The following PCDHA3 variants were observed in gnomAD, a reference collection of about 807,000 sequenced individuals.
The protein encoded by PCDHA3 is protocadherin alpha-3.
PCDHA3 carries 41 observed loss-of-function variants against 62.2 expected under a neutral mutation model. The ratio of observed to expected loss-of-function variants is 0.66; its 90% CI spans 0.51 to 0.86. The LOEUF is 0.86. Ranked by LOEUF, PCDHA3 falls within the 40% of genes least tolerant of loss-of-function variation. The pLI is 0.00. For missense variants in PCDHA3, 1,304 were observed against 1,241.2 expected, an observed-to-expected ratio of 1.05 and a Z score of -0.76; for synonymous variants, 640 against 555.4, an observed-to-expected ratio of 1.15 and a Z score of -2.14.
At chr5:140,954,526 G>A (rs2095049912) in intron 1 of PCDHA3, among the ~76,000 whole-genome samples, 1 of 152,184 alleles carries the variant, frequency 6.6e-6, no homozygotes, top group Admixed American at 6.5e-5. Flanking sequence ...GATCAGTGAT[G>A]TTGAGGTTTT....
Position 140,967,580 on chromosome 5 carries a change from C to T in PCDHA3, c.2395-11369C>T, listed in dbSNP as rs201304400. 42 of 1,614,122 alleles carry T rather than the reference C, an allele frequency of 2.6e-5. No homozygotes were observed. The East Asian group carries it at 4.7e-4, about 18-fold the overall frequency. ...CGTCCAGCTACGGGAGGACTCACCC[C>T]CAGGCACATTGGTGGTGAAGCTGAA... On this transcript the variant is annotated intron_variant, in intron 1 of 3. Transcript: ENST00000522353.
chr5:140,854,238 G>A (rs2043048996), intron 1 of PCDHA3: 1 of 636,222 alleles, frequency 1.6e-6, no homozygotes, highest in Non-Finnish European at 2.0e-6. Flanking sequence ...GGATATTTAT[G>A]TTATCACTTG....
At chr5:140,931,405 G>A (rs1395168165) in intron 1 of PCDHA3, among the ~76,000 whole-genome samples, 1 of 151,984 alleles carries the variant, frequency 6.6e-6, no homozygotes, top group South Asian at 2.1e-4. Flanking sequence ...CGATAGGAAG[G>A]CTGATGAATC....
chr5:140,883,533 A>T, intron 1 of PCDHA3: 2 of 1,614,190 alleles, frequency 1.2e-6, no homozygotes, highest in South Asian at 2.2e-5. Flanking sequence ...TCAGCCTATG[A>T]ACTGGTGGTG....
rs142842369 is a variant in PCDHA3, at chr5:140,884,425, T to G, written c.2394+80834T>G. ...TGGTGCTCACGTTGCTGCTGTATAC[T>G]GCGCTGCGGTGCTCGGCACCGCCCA... On this transcript the variant is annotated intron_variant, in intron 1 of 3. Coordinates refer to ENST00000522353, the MANE Select transcript of PCDHA3 (RefSeq NM_018906.3). 1.3e-3 allele frequency: 2,026 copies of G among 1,613,950 alleles called. 4 individuals carry two copies. Among genetic ancestry groups the G allele is most frequent in the Admixed American group, 3.6e-3 (219 of 60,032 alleles).
rs370847724 is a variant in PCDHA3 at position 140,807,494 on chromosome 5, A to G, written c.2394+3903A>G. On this transcript the variant is annotated intron_variant, in intron 1 of 3. Transcript: ENST00000522353. ...GCTGTGCCGGCGGAGCGCGGAGTGC[A>G]GCATCCACCTGGAGGTGATCGTAGA... 139 of 1,613,554 alleles carry G rather than the reference A, an allele frequency of 8.6e-5. No individual in the cohort carries two copies. The highest frequency in any genetic ancestry group is 1.1e-4 in the Non-Finnish European group (134 of 1,179,906).
rs1404110882 is a variant in PCDHA3 at position 140,968,973 on chromosome 5, C to A, written c.2395-9976C>A. On this transcript the variant is annotated intron_variant, in intron 1 of 3. Transcript: ENST00000522353. ...ATCATCAAGTGCTACCGCTACACTG[C>A]GTATGGCACTGCATGCTGTGGAGGC... is the stretch of plus-strand genomic sequence containing the variant. The A allele has an allele frequency of 6.2e-7, 1 of 1,614,194 alleles. No homozygotes were observed. The highest frequency in any genetic ancestry group is 1.3e-5 in the African/African-American group (1 of 75,044).
Position 140,864,265 on chromosome 5 carries a change from TC to T in PCDHA3, c.2394+60676del, listed in dbSNP as rs534238956. On this transcript the variant is annotated intron_variant, in intron 1 of 3. Coordinates refer to ENST00000522353, the MANE Select transcript of PCDHA3 (RefSeq NM_018906.3). ...ATTCATTTTCTTATTCTGATTTGTG[TC>T]CTCCATTCCTTATTGTTTTTATGTA... 9 of 152,340 alleles carry T rather than the reference TC, an allele frequency of 5.9e-5. No individual in the cohort carries two copies. In the East Asian group the frequency reaches 1.3e-3, roughly 23 times the overall value. The allele number at this position is 152,340 out of a possible 1,614,324, so 9.4% of individuals were successfully genotyped here.
At chr5:140,821,339 G>T (rs1554128068) in intron 1 of PCDHA3, among the ~76,000 whole-genome samples, 1 of 152,082 alleles carries the variant, frequency 6.6e-6, no homozygotes, top group African/African-American at 2.4e-5. Flanking sequence ...AAGGATTGGG[G>T]TTTCATGACT....
At chr5:140,827,522 A>G (rs1769311626) in intron 1 of PCDHA3, among the ~76,000 whole-genome samples, 2 of 151,350 alleles carry the variant, frequency 1.3e-5, no homozygotes. Flanking sequence ...TAAAAATTCA[A>G]CCAAAATTTG....
chr5:140,943,679 A>C (rs973228943), intron 1 of PCDHA3, among the ~76,000 whole-genome samples: 3 of 152,248 alleles, frequency 2.0e-5, no homozygotes, highest in African/African-American at 7.2e-5. Context: ...TGTGAAAAAA[A>C]GGGATAAGGT....
At position 140,801,491 on chromosome 5, in the gene PCDHA3, G is replaced by A. The variant is rs138150756; in HGVS notation, c.294G>A (p.Arg98=). ...SRIDREELCG[R]SAECSIHLEV... Reference sequence around the variant, plus strand: ...TAGACCGCGAGGAACTGTGCGGGCGGAGCGCGGAGTGCAGCATCCACCTGG... The same window carrying A: ...TAGACCGCGAGGAACTGTGCGGGCGAAGCGCGGAGTGCAGCATCCACCTGG... Residue 98 remains arginine (R), a synonymous_variant, in exon 1 of 4, where the codon CGG becomes CGA. Transcript: ENST00000522353. 1,845 of 1,614,176 alleles carry A rather than the reference G, an allele frequency of 1.1e-3. 3 individuals are homozygous for A. The highest frequency in any genetic ancestry group is 1.4e-3 in the Non-Finnish European group (1,704 of 1,180,058).
At position 140,856,409 on chromosome 5, in the gene PCDHA3, G is replaced by A; in HGVS notation, c.2394+52818G>A. 1.3e-6 allele frequency: 2 copies of A among 1,598,530 alleles called. 1 individual carries two copies. Among genetic ancestry groups the A allele is most frequent in the Non-Finnish European group, 1.7e-6 (2 of 1,167,974 alleles). On this transcript the variant is annotated intron_variant, in intron 1 of 3. Coordinates refer to ENST00000522353, the MANE Select transcript of PCDHA3 (RefSeq NM_018906.3). ...GCTGCAGGTTTTCCATGTGGACGTG[G>A]AAGTGAAGGACATTAACGACAACCC...
At chr5:140,862,964 G>T (rs782069131) in intron 1 of PCDHA3, 2 of 544,720 alleles carry the variant, frequency 3.7e-6, no homozygotes, top group South Asian at 2.8e-5. Context: ...TTCAGTGGAT[G>T]CAGGCCACTT....
rs2150466596 is a variant in PCDHA3 at position 140,850,091 on chromosome 5, G to A, written c.2394+46500G>A. 5 of 1,596,604 alleles carry A rather than the reference G, an allele frequency of 3.1e-6. No individual in the cohort carries two copies. In the African/African-American group the frequency reaches 5.4e-5, roughly 17 times the overall value. On this transcript the variant is annotated intron_variant, in intron 1 of 3. Coordinates refer to ENST00000522353, the MANE Select transcript of PCDHA3 (RefSeq NM_018906.3). ...ACCACGAGGAGCTGGAGCTGCTACA[G>A]TTCCAGGTGAGCGCGCGCGACGCGG...
chr5:140,991,386 G>T (rs1044991848), intron 3 of PCDHA3, among the ~76,000 whole-genome samples: 2 of 152,168 alleles, frequency 1.3e-5, no homozygotes, highest in African/African-American at 4.8e-5. Context: ...CAACTGTAGG[G>T]TGTCTGTATT....
At chr5:140,836,095 G>C (rs2150252666) in intron 1 of PCDHA3, 6 of 1,613,694 alleles carry the variant, frequency 3.7e-6, no homozygotes, top group Non-Finnish European at 5.1e-6. Flanking sequence ...CCTCGGGTGG[G>C]TGGCACTGGT....
At chr5:140,848,386 TC>T in intron 1 of PCDHA3, 1 of 1,217,430 alleles carries the variant, frequency 8.2e-7, no homozygotes, top group Non-Finnish European at 1.2e-6. Context: ...TTTTTCACTC[TC>T]TCTGTGCTGA....
At chr5:140,862,607 A>C in intron 1 of PCDHA3, 3 of 519,204 alleles carry the variant, frequency 5.8e-6, no homozygotes, top group Non-Finnish European at 1.2e-5. Flanking sequence ...GTGTTCGTGA[A>C]AGGTAACAAC....
Sources: gnomAD v4.1 joint callset for allele counts (sites outside exome capture counted in the v4.1 genomes callset) on GRCh38, gnomAD v4.1.1 for gene constraint, MANE v1.5 for transcripts, NCBI Gene and HGNC (gene_info 2026-07-23, HGNC 2026-07-21) for gene names.